EVI5: variants seen among roughly 807,000 people sequenced by gnomAD.
EVI5 encodes ecotropic viral integration site 5, also known as ecotropic viral integration site 5 protein homolog.
EVI5 carries 73 observed loss-of-function variants against 112.0 expected under a neutral mutation model. The ratio of observed to expected loss-of-function variants is 0.65; its 90% CI spans 0.54 to 0.79. EVI5 has a LOEUF of 0.79. Ranked by LOEUF, EVI5 falls within the 30% of genes least tolerant of loss-of-function variation. The probability of loss-of-function intolerance (pLI) is 0.00; values close to 1 mark genes in which losing one functional copy is unlikely to be tolerated. For synonymous variants in EVI5, 305 were observed against 319.9 expected (o/e 0.95, Z 0.50); for missense variants, 900 against 968.8 (o/e 0.93, Z 0.94).
At chr1:92,659,631 C>T (rs1663632554) in intron 13 of EVI5, among the ~76,000 whole-genome samples, 1 of 152,224 alleles carries the variant, frequency 6.6e-6, no homozygotes, top group African/African-American at 2.4e-5. Flanking sequence ...CACATATACA[C>T]TACTGGTGGG....
chr1:92,550,781 A>AAAAATAT (rs1557766166), intron 19 of EVI5, among the ~76,000 whole-genome samples: 2 of 20,322 alleles, frequency 9.8e-5, no homozygotes, highest in East Asian at 3.5e-3. Context: ...AAAAAAAAAA[A>AAAAATAT]ATATATATAT....
upstream of EVI5, among the ~76,000 whole-genome samples, chr1:92,785,508 T>C (rs1685538581): frequency 6.6e-6 from 1 of 152,210 alleles, no homozygotes. Context: ...AGAGGTGGCC[T>C]TAGGGCACTC....
At position 92,704,713 on chromosome 1, in the gene EVI5, A is replaced by G; in HGVS notation, c.181T>C (p.Ser61Pro). 6.3e-7 allele frequency: 1 copy of G among 1,582,518 alleles called. No individual in the cohort carries two copies. Among genetic ancestry groups the G allele is most frequent in the Non-Finnish European group, 8.6e-7 (1 of 1,163,362 alleles). The change falls in exon 3 of 20, where the codon TCT becomes CCT. Residue 61 changes from serine to proline, a missense_variant. Transcript: ENST00000684568. ...LLETDSKSLRSVNGSRRNSGS... is the reference protein window; with the variant it reads ...LLETDSKSLRPVNGSRRNSGS... ...CTGTTTCTTCTTGACCCATTTACAG[A>G]TCTTAAAGACTTACTATCCGTTTCT...
chr1:92,725,625 A>G (rs1228541966), intron 2 of EVI5, among the ~76,000 whole-genome samples: 1 of 152,052 alleles, frequency 6.6e-6, no homozygotes, highest in Non-Finnish European at 1.5e-5. Context: ...TGGGAGGCAG[A>G]GGTCGAAGGA....
chr1:92,594,446 C>G (rs925038102), intron 18 of EVI5, among the ~76,000 whole-genome samples: 9 of 150,994 alleles, frequency 6.0e-5, no homozygotes, highest in African/African-American at 2.2e-4. Context: ...CATGTTAGAC[C>G]TAAAACCATA....
At chr1:92,520,497 G>C (rs1660722634) in intron 19 of EVI5, among the ~76,000 whole-genome samples, 1 of 152,104 alleles carries the variant, frequency 6.6e-6, no homozygotes, top group African/African-American at 2.4e-5. Flanking sequence ...TCATGGTGGG[G>C]GTGAGGAGAA....
chr1:92,536,665 T>C (rs1315342356), intron 19 of EVI5, among the ~76,000 whole-genome samples: 1 of 152,190 alleles, frequency 6.6e-6, no homozygotes, highest in Non-Finnish European at 1.5e-5. Context: ...TTTTGTGAAA[T>C]AGAGAAGTGT....
intron 19 of EVI5, among the ~76,000 whole-genome samples, chr1:92,537,668 CA>C (rs1664113113): frequency 1.3e-5 from 2 of 151,150 alleles, no homozygotes; most frequent in African/African-American, 4.9e-5. Context: ...ACCACACAAA[CA>C]AAATGATTTC....
At position 92,784,889 on chromosome 1, in the gene EVI5, C is replaced by A; in HGVS notation, c.-135G>T. Reference sequence around the variant, plus strand: ...AAACATTAACTTCCCATCCAGCCGGCAGCCGCGCCGCCGCGTCTCAGCGCC... The same window carrying A: ...AAACATTAACTTCCCATCCAGCCGGAAGCCGCGCCGCCGCGTCTCAGCGCC... On this transcript the variant is annotated 5_prime_UTR_variant, in exon 1 of 20. Transcript: ENST00000684568. 1 of 986,050 alleles carries A rather than the reference C, an allele frequency of 1.0e-6. No homozygotes were observed. Among genetic ancestry groups the A allele is most frequent in the Non-Finnish European group, 1.2e-6 (1 of 830,498 alleles). 61.1% of individuals were successfully genotyped at this position (986,050 alleles called of 1,614,324 possible).
At chr1:92,616,930 G>C (rs1252623372) in intron 16 of EVI5, among the ~76,000 whole-genome samples, 3 of 152,198 alleles carry the variant, frequency 2.0e-5, no homozygotes, top group African/African-American at 7.2e-5. Flanking sequence ...GATCAGGCTT[G>C]AGCAGGTCCT....
intron 13 of EVI5, among the ~76,000 whole-genome samples, chr1:92,646,413 C>T (rs1660974624): frequency 6.6e-6 from 1 of 152,086 alleles, no homozygotes; most frequent in African/African-American, 2.4e-5. Flanking sequence ...GCCAGCTGAC[C>T]CCTCTTTGTC....
At chr1:92,516,096 G>A (rs1019908246) in intron 19 of EVI5, among the ~76,000 whole-genome samples, 4 of 152,150 alleles carry the variant, frequency 2.6e-5, no homozygotes, top group African/African-American at 7.2e-5. Flanking sequence ...CAACTGCCAC[G>A]TTCTGATGCA....
rs143049114 is a variant in EVI5 at position 92,722,568 on chromosome 1, T to C, written c.149+13830A>G. 9.8e-4 allele frequency among the ~76,000 whole-genome samples: 148 copies of C among 151,584 alleles called. 3 individuals carry two copies. In the East Asian group the frequency reaches 0.028, roughly 29 times the overall value. On this transcript the variant is annotated intron_variant, in intron 2 of 19. Coordinates refer to ENST00000684568, the MANE Select transcript of EVI5 (RefSeq NM_001350197.2). ...CCTATGAGTGAGAACATGCAGTGTT[T>C]GGTTTTCCCACTATTTTTCTATCAC...
chr1:92,774,447 A>G (rs1683849927), intron 1 of EVI5, among the ~76,000 whole-genome samples: 1 of 152,254 alleles, frequency 6.6e-6, no homozygotes, highest in Non-Finnish European at 1.5e-5. Flanking sequence ...GCCAAAGACA[A>G]CAGCAAATAA....
chr1:92,563,327 T>C (rs570202310), intron 19 of EVI5, among the ~76,000 whole-genome samples: 13 of 152,290 alleles, frequency 8.5e-5, no homozygotes, highest in Non-Finnish European at 1.8e-4. Flanking sequence ...AATTTTAGTT[T>C]AGTTAAAGTA....
rs567251855 is a variant in EVI5 at position 92,530,471 on chromosome 1, G to C, written c.2167-16501C>G. The stretch of plus-strand genomic sequence containing the variant: ...AGACTGCCTCCTCAAGTGGGTTCCT[G>C]ACCCCTGTGTGTCCTGAATGGGAGA... On this transcript the variant is annotated intron_variant, in intron 19 of 19. Transcript: ENST00000684568. Among the ~76,000 whole-genome samples the C allele has an allele frequency of 7.9e-5, 12 of 152,194 alleles. No homozygotes were observed. The South Asian group carries it at 1.5e-3, about 18-fold the overall frequency.
intron 1 of EVI5, among the ~76,000 whole-genome samples, chr1:92,739,484 G>A (rs973801921): frequency 6.6e-6 from 1 of 151,998 alleles, no homozygotes; most frequent in East Asian, 1.9e-4. Flanking sequence ...ATTTCTTTAT[G>A]GGGTGATGAA....
At chr1:92,724,147 C>G (rs1026485381) in intron 2 of EVI5, among the ~76,000 whole-genome samples, 2 of 152,158 alleles carry the variant, frequency 1.3e-5, no homozygotes, top group African/African-American at 4.8e-5. Flanking sequence ...TTGTGACCTA[C>G]TCCCTGTTCC....
intron 14 of EVI5, among the ~76,000 whole-genome samples, chr1:92,630,023 T>C (rs1223156731): frequency 2.6e-5 from 4 of 152,178 alleles, no homozygotes; most frequent in Non-Finnish European, 5.9e-5. Context: ...CTGCATAGTA[T>C]TCCATGGTGT....
Sources: gnomAD v4.1 joint callset for allele counts (sites outside exome capture counted in the v4.1 genomes callset) on GRCh38, gnomAD v4.1.1 for gene constraint, MANE v1.5 for transcripts, NCBI Gene and HGNC (gene_info 2026-07-23, HGNC 2026-07-21) for gene names.